KIAA0319L: variants seen among roughly 807,000 people sequenced by gnomAD.
The protein encoded by KIAA0319L is KIAA0319 like.
In KIAA0319L, 55 loss-of-function variants were observed where a neutral mutation model predicts 120.1. The observed-to-expected ratio is 0.46, with a 90% CI of 0.37 to 0.57. KIAA0319L has a LOEUF of 0.57. KIAA0319L is among the 20% of genes least tolerant of loss of function. The pLI is 0.00. For synonymous variants in KIAA0319L, 398 were observed against 471.9 expected, an observed-to-expected ratio of 0.84 and a Z score of 2.03; for missense variants, 1,049 against 1,255.3, an observed-to-expected ratio of 0.84 and a Z score of 2.48.
intron 1 of KIAA0319L, 83 bp from the exon 2 acceptor site, chr1:35,554,602 C>T (rs1647655807): frequency 9.8e-7 from 1 of 1,024,764 alleles, no homozygotes; most frequent in Non-Finnish European, 1.4e-6. Flanking sequence ...GAAAATATGA[C>T]AGATTAGGGG....
In KIAA0319L at chr1:35,506,851, G is replaced by A. The variant is rs1558520610; in HGVS notation, c.427C>T (p.Leu143=). 6.2e-7 allele frequency: 1 copy of A among 1,614,218 alleles called. No homozygotes were observed. The highest frequency in any genetic ancestry group is 1.7e-5 in the Admixed American group (1 of 60,026). ...KFQTADDLGF[L]PEDDVPHLLG... is the part of the protein sequence containing the mutation. ...AGATGTGGTACATCATCTTCAGGTA[G>A]AAAGCCCAAATCATCTGCAGTTTGG... Residue 143 remains leucine (L), a synonymous_variant, in exon 3 of 21, where the codon CTA becomes TTA. Coordinates refer to ENST00000325722, the MANE Select transcript of KIAA0319L (RefSeq NM_024874.5). This position sits in a 1 kb window ranked among gnomAD's most constrained non-coding sequence, Gnocchi z 4.0.
At chr1:35,554,260 CT>C in intron 2 of KIAA0319L, 89 bp downstream of exon 2, 2 of 952,734 alleles carry the variant, frequency 2.1e-6, no homozygotes, top group Non-Finnish European at 2.9e-6. Flanking sequence ...TTTTTTCTGC[CT>C]CCTAATAGTC....
intron 2 of KIAA0319L, among the ~76,000 whole-genome samples, chr1:35,551,524 G>T (rs1210334521): frequency 6.6e-6 from 1 of 152,046 alleles, no homozygotes; most frequent in African/African-American, 2.4e-5. Context: ...TCACTATGTT[G>T]GTCAGGGTGG....
At position 35,434,927 on chromosome 1, in the gene KIAA0319L, C is replaced by T; in HGVS notation, c.3117G>A (p.Leu1039=). Residue 1039 remains leucine, a synonymous_variant, in exon 21 of 21, where the codon CTG becomes CTA. Transcript: ENST00000325722. ...TCTCCTCCCGCGGGCTCCTGGCCTT[C>T]AGAGGGGTCTGCCCGTTGGGTACAG... ...NGSVPNGQTP[L]KARSPREEIL is the part of the protein sequence containing the mutation. 1 of 1,613,510 alleles carries T rather than the reference C, an allele frequency of 6.2e-7. No homozygotes were observed. The highest frequency in any genetic ancestry group is 2.2e-5 in the East Asian group (1 of 44,872).
At chr1:35,526,481 T>C (rs1443116275) in intron 2 of KIAA0319L, among the ~76,000 whole-genome samples, 1 of 149,614 alleles carries the variant, frequency 6.7e-6, no homozygotes, top group African/African-American at 2.4e-5. Flanking sequence ...GATCTCGCTT[T>C]GTTGCCCAGG....
intron 2 of KIAA0319L, among the ~76,000 whole-genome samples, chr1:35,530,841 G>A (rs966464844): frequency 1.3e-5 from 2 of 151,994 alleles, no homozygotes; most frequent in South Asian, 2.1e-4. Flanking sequence ...CTTCGGCAAC[G>A]AACACCATCC....
rs181836793 is a variant in KIAA0319L, at chr1:35,534,382, C to T, written c.142+19968G>A. On this transcript the variant is annotated intron_variant, in intron 2 of 20. Coordinates refer to ENST00000325722, the MANE Select transcript of KIAA0319L (RefSeq NM_024874.5). ...TACTTGCCCAACAGATACATATCAG[C>T]TACTATTCACACTAACTCTTGATTA... Among the ~76,000 whole-genome samples the T allele has an allele frequency of 6.4e-4, 97 of 152,330 alleles. 2 individuals are homozygous for T. The highest frequency in any genetic ancestry group is 6.3e-3 in the Admixed American group (97 of 15,298).
At chr1:35,478,480 G>A (rs2149139382) in intron 4 of KIAA0319L, among the ~76,000 whole-genome samples, 2 of 152,190 alleles carry the variant, frequency 1.3e-5, no homozygotes, top group East Asian at 1.9e-4. Context: ...TTTACATGAT[G>A]TGATTATTAC....
chr1:35,531,991 T>G (rs916693343), intron 2 of KIAA0319L, among the ~76,000 whole-genome samples: 1 of 152,048 alleles, frequency 6.6e-6, no homozygotes, highest in African/African-American at 2.4e-5. Context: ...CCTGGCGCGG[T>G]TGCTCAGACC....
intron 4 of KIAA0319L, among the ~76,000 whole-genome samples, chr1:35,477,648 C>T (rs1448880573): frequency 8.4e-6 from 1 of 119,220 alleles, no homozygotes; most frequent in African/African-American, 3.4e-5. Flanking sequence ...GCCTGGGCAA[C>T]AGAGTGAGAC....
At chr1:35,480,599 T>C (rs931180250) in intron 3 of KIAA0319L, among the ~76,000 whole-genome samples, 2 of 152,032 alleles carry the variant, frequency 1.3e-5, no homozygotes, top group African/African-American at 2.4e-5. Context: ...CTGACCAACA[T>C]GGTGAAACCC....
intron 19 of KIAA0319L, 138 bp downstream of exon 19, chr1:35,442,108 C>T: frequency 1.4e-6 from 1 of 707,638 alleles, no homozygotes; most frequent in Non-Finnish European, 2.6e-6. Flanking sequence ...CCCGTGCATG[C>T]CTTAGGTGGG....
At chr1:35,462,264 C>T (rs907963526) in intron 8 of KIAA0319L, among the ~76,000 whole-genome samples, 2 of 152,120 alleles carry the variant, frequency 1.3e-5, no homozygotes, top group Non-Finnish European at 2.9e-5. Flanking sequence ...ACTTACCTTG[C>T]TATGATTGGA....
At chr1:35,464,484 A>G (rs1292419137) in intron 7 of KIAA0319L, among the ~76,000 whole-genome samples, 1 of 152,254 alleles carries the variant, frequency 6.6e-6, no homozygotes, top group Admixed American at 6.5e-5. Flanking sequence ...TAAAGAGCAA[A>G]GCATTCAAGA....
chr1:35,498,984 C>T (rs924703742), intron 3 of KIAA0319L, among the ~76,000 whole-genome samples: 1 of 152,170 alleles, frequency 6.6e-6, no homozygotes, highest in Non-Finnish European at 1.5e-5. Flanking sequence ...CACACCACAT[C>T]CCAATTCTCA....
chr1:35,477,713 C>T (rs191744927), intron 4 of KIAA0319L, among the ~76,000 whole-genome samples: 1 of 151,190 alleles, frequency 6.6e-6, no homozygotes, highest in Admixed American at 6.6e-5. Context: ...TCATCTCACC[C>T]CAGTTAAAAT....
In KIAA0319L at chr1:35,456,067, G is replaced by A. The variant is rs369297988; in HGVS notation, c.1602C>T (p.Thr534=). Residue 534 remains threonine, a synonymous_variant, in exon 10 of 21, where the codon ACC becomes ACT. Coordinates refer to ENST00000325722, the MANE Select transcript of KIAA0319L (RefSeq NM_024874.5). ...TTGGGCTGAGTGACCACTCATAGCT[G>A]GTGATGCCATGATCATCAGTGCTCT... The part of the protein sequence containing the change: ...GNQSTDDHGI[T]SYEWSLSPSS... 1.2e-6 allele frequency: 2 copies of A among 1,614,064 alleles called. No individual in the cohort carries two copies. Among genetic ancestry groups the A allele is most frequent in the African/African-American group, 1.3e-5 (1 of 75,014 alleles).
intron 2 of KIAA0319L, among the ~76,000 whole-genome samples, chr1:35,552,339 C>A (rs1318409858): frequency 6.6e-6 from 1 of 151,810 alleles, no homozygotes; most frequent in East Asian, 1.9e-4. Flanking sequence ...GAGTGAGACT[C>A]CGTTTCAAAA....
intron 3 of KIAA0319L, among the ~76,000 whole-genome samples, chr1:35,504,013 G>A (rs1272013390): frequency 1.3e-5 from 2 of 150,736 alleles, no homozygotes; most frequent in African/African-American, 4.9e-5. Flanking sequence ...AGCCTCCCAA[G>A]TAGCTGGGAT....
Sources: allele counts gnomAD v4.1 joint callset (sites outside exome capture counted in the v4.1 genomes callset), GRCh38; gene constraint gnomAD v4.1.1; non-coding constraint Gnocchi (gnomAD v3.1); transcripts MANE v1.5; gene names NCBI Gene and HGNC (gene_info 2026-07-23, HGNC 2026-07-21).